FLVCR2: variants seen among roughly 807,000 people sequenced by gnomAD.
The protein encoded by FLVCR2 is FLVCR choline and putative heme transporter 2, also known as choline/ethanolamine transporter FLVCR2.
In FLVCR2, 38 loss-of-function variants were observed where a neutral mutation model predicts 48.9. The ratio of observed to expected loss-of-function variants is 0.78; its 90% confidence interval spans 0.60 to 1.02. FLVCR2 has a LOEUF of 1.02. Among genes scored for constraint, FLVCR2 ranks in the 50% least tolerant of loss-of-function variants. The probability of loss-of-function intolerance (pLI) is 0.00; values close to 1 mark genes in which losing one functional copy is unlikely to be tolerated. For missense variants in FLVCR2, 664 were observed against 663.3 expected (o/e 1.00, Z -0.01); for synonymous variants, 255 against 257.0 (o/e 0.99, Z 0.07).
intron 1 of FLVCR2, among the ~76,000 whole-genome samples, chr14:75,620,877 C>A (rs971509938): frequency 9.2e-5 from 14 of 152,174 alleles, no homozygotes; most frequent in African/African-American, 3.4e-4. Flanking sequence ...GGAGCGAAAG[C>A]AAATTGTTTC....
intron 1 of FLVCR2, among the ~76,000 whole-genome samples, chr14:75,583,408 GTGGGA>G (rs1192109811): frequency 6.6e-6 from 1 of 152,192 alleles, no homozygotes; most frequent in Non-Finnish European, 1.5e-5. Context: ...AAAGCATGCT[GTGGGA>G]TGGGATATTG....
In FLVCR2 at chr14:75,606,693, T is replaced by G. The variant is rs190602477; in HGVS notation, c.670-15386T>G. On this transcript the variant is annotated intron_variant, in intron 1 of 9. Coordinates refer to ENST00000238667, the MANE Select transcript of FLVCR2 (RefSeq NM_017791.3). Reference sequence around the variant, plus strand: ...AAATGCAAATTCAGAGACTCACACCTATAATCCCAGCCCTTTGGGAGGCCA... The same window carrying G: ...AAATGCAAATTCAGAGACTCACACCGATAATCCCAGCCCTTTGGGAGGCCA... 3.9e-5 allele frequency among the ~76,000 whole-genome samples: 6 copies of G among 152,286 alleles called. No homozygotes were observed. In the East Asian group the frequency reaches 9.7e-4, roughly 25 times the overall value.
intron 1 of FLVCR2, among the ~76,000 whole-genome samples, chr14:75,597,443 T>C (rs1165805361): frequency 6.6e-6 from 1 of 152,158 alleles, no homozygotes; most frequent in African/African-American, 2.4e-5. Context: ...ACTTGGGGGA[T>C]TAGCCCAGAA....
intron 1 of FLVCR2, 97 bp downstream of exon 1, chr14:75,579,738 T>C: frequency 7.5e-7 from 1 of 1,328,808 alleles, no homozygotes; most frequent in South Asian, 1.2e-5. Flanking sequence ...TGTCCAACAG[T>C]GTTTGTGACT....
In FLVCR2 at chr14:75,597,531, G is replaced by C. The variant is rs183883636; in HGVS notation, c.669+17890G>C. Among the ~76,000 whole-genome samples, 46 of 152,088 alleles carry C rather than the reference G, an allele frequency of 3.0e-4. No individual in the cohort carries two copies. The East Asian group carries it at 8.3e-3, about 27-fold the overall frequency. ...AGAGGTCTGCGGCCCCACACAGACT[G>C]TCTTAACCAAACTGTCTAGGAAAGG... is the stretch of plus-strand genomic sequence containing the variant. On this transcript the variant is annotated intron_variant, in intron 1 of 9. Coordinates refer to ENST00000238667, the MANE Select transcript of FLVCR2 (RefSeq NM_017791.3).
rs568806109 is a variant in FLVCR2 at position 75,625,137 on chromosome 14, T to C, written c.952+385T>C. ...TTAGACTGAACTCTCTGAGTGTGGA[T>C]TTATGTTTTTCATCTTTATAGTTCC... is the stretch of plus-strand genomic sequence containing the variant. On this transcript the variant is annotated intron_variant, in intron 3 of 9. Transcript: ENST00000238667. Among the ~76,000 whole-genome samples, 8 of 152,338 alleles carry C rather than the reference T, an allele frequency of 5.3e-5. No individual in the cohort carries two copies. In the South Asian group the frequency reaches 1.7e-3, roughly 32 times the overall value.
chr14:75,580,708 G>T (rs1888573616), intron 1 of FLVCR2, among the ~76,000 whole-genome samples: 1 of 152,124 alleles, frequency 6.6e-6, no homozygotes, highest in Admixed American at 6.5e-5. Flanking sequence ...CATTCTCAAG[G>T]GTGGGGAGAA....
At chr14:75,583,671 G>T (rs1888667712) in intron 1 of FLVCR2, among the ~76,000 whole-genome samples, 1 of 152,148 alleles carries the variant, frequency 6.6e-6, no homozygotes, top group Non-Finnish European at 1.5e-5. Flanking sequence ...CTGGGCAGGT[G>T]GGGATAACTA....
intron 2 of FLVCR2, 99 bp from the exon 3 acceptor site, chr14:75,624,513 C>T: frequency 7.3e-7 from 1 of 1,374,800 alleles, no homozygotes; most frequent in Non-Finnish European, 1.0e-6. Flanking sequence ...GGAGTCTTAG[C>T]TCCTCTCAGA....
At position 75,624,628 on chromosome 14, in the gene FLVCR2, TA is replaced by T. The variant is rs1428801342; in HGVS notation, c.831del (p.Lys277AsnfsTer10). ...LVIIVFKEKP[K>X]YPPSRAQSLS... ...TCCTTTCAGTGTTCAAGGAGAAACC[TA>T]AATATCCCCCCAGCAGGGCCCAATC... On this transcript the variant is annotated frameshift_variant, in exon 3 of 10. Transcript: ENST00000238667. LOFTEE classifies it high-confidence loss of function. 1 of 1,614,104 alleles carries T rather than the reference TA, an allele frequency of 6.2e-7. No homozygotes were observed. The highest frequency in any genetic ancestry group is 1.1e-5 in the South Asian group (1 of 91,072).
chr14:75,605,660 G>C, intron 1 of FLVCR2: 3 of 1,532,306 alleles, frequency 2.0e-6, no homozygotes, highest in Non-Finnish European at 2.6e-6. Context: ...CAACTTCTTT[G>C]GGTTCAGCCG....
At chr14:75,609,836 C>T (rs956676906) in intron 1 of FLVCR2, among the ~76,000 whole-genome samples, 9 of 151,678 alleles carry the variant, frequency 5.9e-5, no homozygotes, top group African/African-American at 2.2e-4. Flanking sequence ...ACAAAGGAGA[C>T]AATTATTCTC....
chr14:75,600,733 T>C (rs1216560106), intron 1 of FLVCR2, among the ~76,000 whole-genome samples: 1 of 152,040 alleles, frequency 6.6e-6, no homozygotes, highest in Non-Finnish European at 1.5e-5. Context: ...TTAAACTACA[T>C]CAATGTAAAA....
chr14:75,605,894 A>G (rs1889278977), intron 1 of FLVCR2: 2 of 472,424 alleles, frequency 4.2e-6, no homozygotes, highest in Non-Finnish European at 7.7e-6. Context: ...TTCTGCATAC[A>G]ATGACTGGGT....
intron 1 of FLVCR2, chr14:75,595,847 A>T: frequency 4.2e-6 from 4 of 952,778 alleles, no homozygotes; most frequent in Non-Finnish European, 6.9e-6. Flanking sequence ...TGGCCTTTGC[A>T]GTCCCCCTGA....
intron 1 of FLVCR2, chr14:75,595,958 C>G: frequency 6.6e-7 from 1 of 1,513,054 alleles, no homozygotes; most frequent in Non-Finnish European, 9.1e-7. Context: ...GTTCATTTTT[C>G]TTTGCATAAT....
chr14:75,605,730 C>T (rs2140021777), intron 1 of FLVCR2: 2 of 1,081,734 alleles, frequency 1.8e-6, no homozygotes, highest in South Asian at 2.7e-5. Context: ...ATTGCTTCTC[C>T]AGAGAGGAGT....
chr14:75,634,094 A>G (rs1041695056), intron 4 of FLVCR2, among the ~76,000 whole-genome samples: 1 of 152,128 alleles, frequency 6.6e-6, no homozygotes, highest in African/African-American at 2.4e-5. Context: ...GCAAATATAT[A>G]TATAAAATAT....
At chr14:75,624,362 A>G (rs990833777) in intron 2 of FLVCR2, among the ~76,000 whole-genome samples, 1 of 151,978 alleles carries the variant, frequency 6.6e-6, no homozygotes, top group African/African-American at 2.4e-5. Flanking sequence ...CAAAAAAAAT[A>G]AAGAAAAAAA....
Sources: gnomAD v4.1 joint callset for allele counts (sites outside exome capture counted in the v4.1 genomes callset) on GRCh38, gnomAD v4.1.1 for gene constraint, MANE v1.5 for transcripts, NCBI Gene and HGNC (gene_info 2026-07-23, HGNC 2026-07-21) for gene names.